Variants in SERPINH1 observed in about 807,000 individuals in gnomAD.
SERPINH1 encodes the protein serpin H1.
Under a neutral mutation model 32.3 loss-of-function variants are expected in SERPINH1, and 22 were observed. That is an observed-to-expected ratio of 0.68 (90% CI 0.49 to 0.97). The LOEUF (loss-of-function observed/expected upper bound fraction) is 0.97. SERPINH1 is among the 50% of genes least tolerant of loss of function. The pLI, the probability that SERPINH1 is intolerant of heterozygous loss-of-function variation, is 0.00. For synonymous variants in SERPINH1, 251 were observed against 245.9 expected (o/e 1.02, Z -0.19); for missense variants, 543 against 576.4 (o/e 0.94, Z 0.59).
At position 75,572,053 on chromosome 11, in the gene SERPINH1, T is replaced by C. The variant is rs1592205989; in HGVS notation, c.1227T>C (p.Pro409=). The C allele has an allele frequency of 2.5e-6, 4 of 1,614,056 alleles. No individual in the cohort carries two copies. Among genetic ancestry groups the C allele is most frequent in the Non-Finnish European group, 2.5e-6 (3 of 1,180,026 alleles). Residue 409 remains proline (P), a synonymous_variant, in exon 5 of 5, where the codon CCT becomes CCC. Transcript: ENST00000358171. Reference sequence around the variant, plus strand: ...TATTCATTGGGCGCCTGGTCCGGCCTAAGGGTGACAAGATGCGAGACGAGT... The same window carrying C: ...TATTCATTGGGCGCCTGGTCCGGCCCAAGGGTGACAAGATGCGAGACGAGT... ...SLLFIGRLVR[P]KGDKMRDEL is the part of the protein sequence containing the mutation.
At chr11:75,565,834 A>C (rs1206769984) in intron 1 of SERPINH1, among the ~76,000 whole-genome samples, 1 of 152,148 alleles carries the variant, frequency 6.6e-6, no homozygotes, top group African/African-American at 2.4e-5. Flanking sequence ...TTCTCACTGG[A>C]AAAGGGCTCC....
chr11:75,571,412 C>T (rs766634756), intron 4 of SERPINH1, among the ~76,000 whole-genome samples: 3 of 152,248 alleles, frequency 2.0e-5, no homozygotes, highest in South Asian at 4.2e-4. Context: ...ATGCCCACTC[C>T]CAGAGATTCT....
intron 4 of SERPINH1, chr11:75,569,430 A>T (rs553194934): frequency 3.9e-4 from 149 of 381,366 alleles, no homozygotes; most frequent in East Asian, 3.4e-3. Context: ...TATTATTATT[A>T]TTTTTTTTTT....
At position 75,572,503 on chromosome 11, in the gene SERPINH1, C is replaced by G. The variant is rs1942217070; in HGVS notation, c.*420C>G. ...CTCCCCAGCTCTATCCCAACCTCTC[C>G]CAACTATAAAACTAGGTGCTGCAGC... On this transcript the variant is annotated 3_prime_UTR_variant, in exon 5 of 5. Coordinates refer to ENST00000358171, the MANE Select transcript of SERPINH1 (RefSeq NM_001235.5). 1 of 267,200 alleles carries G rather than the reference C, an allele frequency of 3.7e-6. No homozygotes were observed. Among genetic ancestry groups the G allele is most frequent in the Non-Finnish European group, 7.3e-6 (1 of 136,802 alleles). The allele number at this position is 267,200 out of a possible 1,614,324, so 16.6% of individuals were successfully genotyped here.
chr11:75,571,793 G>A lies in SERPINH1; in HGVS notation c.967G>A (p.Gly323Arg), dbSNP rs1942198862. Reference protein sequence around the residue: ...VTHDLQKHLAGLGLTEAIDKN... With the variant: ...VTHDLQKHLARLGLTEAIDKN... ...CTTGTTCCCACAGAAACACCTGGCT[G>A]GGCTGGGCCTGACTGAGGCCATTGA... is the stretch of plus-strand genomic sequence containing the variant. Residue 323 changes from glycine (G) to arginine (R), a missense_variant, in exon 5 of 5, where the codon GGG (glycine) becomes AGG (arginine). Physicochemically the swap from Gly to Arg is moderately radical, Grantham distance 125 (BLOSUM62 -2). This residue lies in a region of SERPINH1 where 427 missense variants were observed against 446.4 expected (regional missense o/e 0.96). Transcript: ENST00000358171. 2 of 1,613,830 alleles carry A rather than the reference G, an allele frequency of 1.2e-6. No individual in the cohort carries two copies. Among genetic ancestry groups the A allele is most frequent in the Non-Finnish European group, 1.7e-6 (2 of 1,180,006 alleles).
At position 75,569,122 on chromosome 11, in the gene SERPINH1, T is replaced by C; in HGVS notation, c.905T>C (p.Val302Ala). The C allele has an allele frequency of 6.2e-7, 1 of 1,613,936 alleles. No homozygotes were observed. Among genetic ancestry groups the C allele is most frequent in the Non-Finnish European group, 8.5e-7 (1 of 1,179,902 alleles). The stretch of plus-strand genomic sequence containing the variant: ...ATGGGGAAGATGCAGAAGAAGGCTG[T>C]TGCCATCTCCTTGCCCAAGGGTGTG... Reference protein sequence around the residue: ...IWMGKMQKKAVAISLPKGVVE... With the variant: ...IWMGKMQKKAAAISLPKGVVE... Residue 302 changes from valine (V) to alanine (A), a missense_variant, in exon 4 of 5, where the codon GTT (valine) becomes GCT (alanine). Transcript: ENST00000358171.
chr11:75,562,328 C>G lies in SERPINH1; in HGVS notation c.-35+9C>G, dbSNP rs1218611204. The G allele has an allele frequency of 6.6e-6, 1 of 152,128 alleles. No individual in the cohort carries two copies. Among genetic ancestry groups the G allele is most frequent in the Admixed American group, 6.5e-5 (1 of 15,270 alleles). The allele number at this position is 152,128 out of a possible 1,614,324, so 9.4% of individuals were successfully genotyped here. On this transcript the variant is annotated intron_variant, in intron 1 of 4. Transcript: ENST00000358171. The stretch of plus-strand genomic sequence containing the variant: ...AGCCCAGCCCGACCCAGGTGAGGGG[C>G]GGGAGACGCCTGCGTGCGTGCGGCC...
At chr11:75,564,145 G>A (rs997826360) in intron 1 of SERPINH1, among the ~76,000 whole-genome samples, 1 of 152,226 alleles carries the variant, frequency 6.6e-6, no homozygotes, top group African/African-American at 2.4e-5. Context: ...GGCACCCCCT[G>A]GGACCTGAGT....
At chr11:75,569,344 AGAT>A in intron 4 of SERPINH1, 173 bp downstream of exon 4, 3 of 607,820 alleles carry the variant, frequency 4.9e-6, no homozygotes, top group Admixed American at 2.9e-5. Flanking sequence ...GCCCTTGGGA[AGAT>A]GATGATAATA....
rs1293719708 is a variant in SERPINH1 at position 75,566,409 on chromosome 11, G to A, written c.60G>A (p.Glu20=). The change falls in exon 2 of 5, where the codon GAG becomes GAA. Residue 20 remains glutamate (E), a synonymous_variant. Coordinates refer to ENST00000358171, the MANE Select transcript of SERPINH1 (RefSeq NM_001235.5). ...FCLLEAALAA[E]VKKPAAAAAP... The stretch of plus-strand genomic sequence containing the variant: ...TCCTGGAGGCGGCCCTGGCCGCCGA[G>A]GTGAAGAAACCTGCAGCCGCAGCAG... 6.2e-7 allele frequency: 1 copy of A among 1,611,378 alleles called. No homozygotes were observed. Among genetic ancestry groups the A allele is most frequent in the Admixed American group, 1.7e-5 (1 of 59,772 alleles).
At chr11:75,562,732 G>A (rs960388770) in intron 1 of SERPINH1, 4 of 152,366 alleles carry the variant, frequency 2.6e-5, no homozygotes, top group African/African-American at 9.7e-5. Context: ...AGGGTAGGGA[G>A]GATAGGCCGG....
Position 75,571,996 on chromosome 11 carries a change from C to T in SERPINH1, c.1170C>T (p.Phe390=). 6.2e-7 allele frequency: 1 copy of T among 1,614,206 alleles called. No individual in the cohort carries two copies. The highest frequency in any genetic ancestry group is 8.5e-7 in the Non-Finnish European group (1 of 1,180,024). Residue 390 remains phenylalanine (F), a synonymous_variant, in exon 5 of 5, where the codon TTC becomes TTT. Coordinates refer to ENST00000358171, the MANE Select transcript of SERPINH1 (RefSeq NM_001235.5). ...KLFYADHPFI[F]LVRDTQSGSL... ...TCTACGCCGACCACCCCTTCATCTT[C>T]CTAGTGCGGGACACCCAAAGCGGCT...
chr11:75,564,044 C>A (rs1166585545), intron 1 of SERPINH1, among the ~76,000 whole-genome samples: 5 of 152,310 alleles, frequency 3.3e-5, no homozygotes, highest in African/African-American at 1.2e-4. Context: ...CTGCCCTTCT[C>A]CCCAGTAGCG....
Position 75,566,425 on chromosome 11 carries a change from G to A in SERPINH1, c.76G>A (p.Ala26Thr). The change falls in exon 2 of 5, where the codon GCC becomes ACC. Residue 26 changes from alanine (A) to threonine (T), a missense_variant. Ala to Thr is a moderately conservative substitution (Grantham distance 58). Transcript: ENST00000358171. Reference protein sequence around the residue: ...ALAAEVKKPAAAAAPGTAEKL... With the variant: ...ALAAEVKKPATAAAPGTAEKL... ...GGCCGCCGAGGTGAAGAAACCTGCA[G>A]CCGCAGCAGCTCCTGGCACTGCGGA... 2 of 1,611,840 alleles carry A rather than the reference G, an allele frequency of 1.2e-6. No individual in the cohort carries two copies. The highest frequency in any genetic ancestry group is 1.7e-6 in the Non-Finnish European group (2 of 1,179,642).
At chr11:75,570,781 A>C (rs1442861449) in intron 4 of SERPINH1, among the ~76,000 whole-genome samples, 2 of 152,218 alleles carry the variant, frequency 1.3e-5, no homozygotes, top group African/African-American at 4.8e-5. Context: ...CCCCGCCCTC[A>C]GGGAGCTCCA....
Position 75,571,905 on chromosome 11 carries a change from A to G in SERPINH1, c.1079A>G (p.Asp360Gly). 6.2e-7 allele frequency: 1 copy of G among 1,614,220 alleles called. No individual in the cohort carries two copies. The change falls in exon 5 of 5, where the codon GAC becomes GGC. Residue 360 changes from aspartate to glycine, a missense_variant. Asp to Gly is a moderately conservative substitution (Grantham distance 94, BLOSUM62 -1). Around this residue, in one of 3 missense-constraint regions of SERPINH1, gnomAD observed 427 missense variants for 446.4 expected, o/e 0.96. Coordinates refer to ENST00000358171, the MANE Select transcript of SERPINH1 (RefSeq NM_001235.5). ...SVFHATAFEL[D>G]TDGNPFDQDI... ...TTCCACGCCACCGCCTTTGAGTTGGACACAGATGGCAACCCCTTTGACCAG... is the reference window on the plus strand; with the variant it reads ...TTCCACGCCACCGCCTTTGAGTTGGGCACAGATGGCAACCCCTTTGACCAG...
chr11:75,569,395 G>A (rs1296871128), intron 4 of SERPINH1: 1 of 576,336 alleles, frequency 1.7e-6, no homozygotes, highest in Non-Finnish European at 3.1e-6. Context: ...CTGTATGCTA[G>A]GCGTTCTTCT....
At position 75,568,822 on chromosome 11, in the gene SERPINH1, C is replaced by A. The variant is rs761932276; in HGVS notation, c.714C>A (p.His238Gln). 1 of 1,613,424 alleles carries A rather than the reference C, an allele frequency of 6.2e-7. No individual in the cohort carries two copies. Among genetic ancestry groups the A allele is most frequent in the Non-Finnish European group, 8.5e-7 (1 of 1,179,390 alleles). Residue 238 changes from histidine (H) to glutamine (Q), a missense_variant, in exon 3 of 5, where the codon CAC (histidine) becomes CAA (glutamine). This residue lies in a region of SERPINH1 where 427 missense variants were observed against 446.4 expected (regional missense o/e 0.96). Transcript: ENST00000358171. ...RSYTVGVMMMHRTGLYNYYDD... is the reference protein window; with the variant it reads ...RSYTVGVMMMQRTGLYNYYDD... ...ATACCGTGGGTGTCATGATGATGCA[C>A]CGGACAGGTAGGTGCTGTGAGGAGC...
Position 75,571,930 on chromosome 11 carries a change from G to A in SERPINH1, c.1104G>A (p.Gln368=). Reference sequence around the variant, plus strand: ...ACACAGATGGCAACCCCTTTGACCAGGACATCTACGGGCGCGAGGAGCTGC... The same window carrying A: ...ACACAGATGGCAACCCCTTTGACCAAGACATCTACGGGCGCGAGGAGCTGC... The part of the protein sequence containing the change: ...ELDTDGNPFD[Q]DIYGREELRS... The change falls in exon 5 of 5, where the codon CAG becomes CAA. Residue 368 remains glutamine, a synonymous_variant. Transcript: ENST00000358171. The A allele has an allele frequency of 6.2e-7, 1 of 1,614,222 alleles. No homozygotes were observed. Among genetic ancestry groups the A allele is most frequent in the African/African-American group, 1.3e-5 (1 of 75,058 alleles).
Sources: gnomAD v4.1 joint callset for allele counts (sites outside exome capture counted in the v4.1 genomes callset) on GRCh38, gnomAD v4.1.1 for gene constraint, gnomAD v4.1.1 regional missense constraint, MANE v1.5 for transcripts, NCBI Gene and HGNC (gene_info 2026-07-23, HGNC 2026-07-21) for gene names.